The following NOTCH1 variants were observed in gnomAD, a reference collection of about 807,000 sequenced individuals.
NOTCH1 encodes the protein notch receptor 1.
NOTCH1 carries 37 observed loss-of-function variants against 254.8 expected under a neutral mutation model. The ratio of observed to expected loss-of-function variants is 0.15; its 90% confidence interval spans 0.11 to 0.19. The LOEUF (loss-of-function observed/expected upper bound fraction) is 0.19. NOTCH1 is among the 10% of genes least tolerant of loss of function. The pLI is 1.00. For missense variants in NOTCH1, 2,972 were observed against 3,708.6 expected (o/e 0.80, Z 5.16); for synonymous variants, 1,731 against 1,618.1 (o/e 1.07, Z -1.68).
chr9:136,525,412 C>T (rs1171470139), intron 2 of NOTCH1, among the ~76,000 whole-genome samples: 4 of 152,222 alleles, frequency 2.6e-5, no homozygotes, highest in Non-Finnish European at 4.4e-5. Flanking sequence ...GTCTGGGACC[C>T]GCCGGGCGCC....
intron 2 of NOTCH1, among the ~76,000 whole-genome samples, chr9:136,532,528 G>A (rs577866507): frequency 5.1e-4 from 77 of 152,324 alleles, no homozygotes; most frequent in African/African-American, 1.8e-3. Flanking sequence ...AGGGGCTCCA[G>A]GGTGGATGAC....
rs1422526615 is a variant in NOTCH1, at chr9:136,505,343, C to T, written c.4553G>A (p.Gly1518Asp). The T allele has an allele frequency of 6.3e-7, 1 of 1,598,318 alleles. No homozygotes were observed. Among genetic ancestry groups the T allele is most frequent in the Admixed American group, 1.7e-5 (1 of 57,168 alleles). Reference sequence around the variant, plus strand: ...GCCTTCCGCACGCTGGCAGTCAAAGCCGTCGAAGAGGCAGCCGGCTGAGTT... The same window carrying T: ...GCCTTCCGCACGCTGGCAGTCAAAGTCGTCGAAGAGGCAGCCGGCTGAGTT... ...QCNSAGCLFD[G>D]FDCQRAEGQC... Residue 1518 changes from glycine to aspartate, a missense_variant, in exon 25 of 34, where the codon GGC (glycine) becomes GAC (aspartate). By Grantham distance (94) the Gly-to-Asp change is moderately conservative. Transcript: ENST00000651671.
In NOTCH1 at chr9:136,502,700, C is replaced by T. The variant is rs1043624116; in HGVS notation, c.5168-212G>A. ...TCTCTCCTGCACCAGCCGACTCTATCTGGAGACGGCTTTTACTTTTTTCTC... is the reference window on the plus strand; with the variant it reads ...TCTCTCCTGCACCAGCCGACTCTATTTGGAGACGGCTTTTACTTTTTTCTC... On this transcript the variant is annotated intron_variant, in intron 27 of 33. Coordinates refer to ENST00000651671, the MANE Select transcript of NOTCH1 (RefSeq NM_017617.5). 4 of 577,688 alleles carry T rather than the reference C, an allele frequency of 6.9e-6. No homozygotes were observed. The African/African-American group carries it at 7.5e-5, about 11-fold the overall frequency. 35.8% of individuals were successfully genotyped at this position (577,688 alleles called of 1,614,324 possible).
chr9:136,500,433 G>A (rs997268112), intron 31 of NOTCH1, 119 bp downstream of exon 31: 6 of 1,273,630 alleles, frequency 4.7e-6, no homozygotes, highest in Non-Finnish European at 6.7e-6. Flanking sequence ...GGCACCAGTT[G>A]TCCCGGACTC....
chr9:136,520,915 G>A (rs906458205), intron 4 of NOTCH1, among the ~76,000 whole-genome samples: 2 of 152,146 alleles, frequency 1.3e-5, no homozygotes, highest in East Asian at 3.9e-4. Flanking sequence ...CGAGAGCCCC[G>A]TGGACCCCAG....
Position 136,495,821 on chromosome 9 carries a change from G to A in NOTCH1, c.*250C>T. 2 of 440,494 alleles carry A rather than the reference G, an allele frequency of 4.5e-6. No individual in the cohort carries two copies. The highest frequency in any genetic ancestry group is 8.0e-6 in the Non-Finnish European group (2 of 249,774). 27.3% of individuals were successfully genotyped at this position (440,494 alleles called of 1,614,324 possible). A position where few individuals can be genotyped will look rare whatever the true frequency, so the allele number is the denominator to read the frequency against. On this transcript the variant is annotated 3_prime_UTR_variant, in exon 34 of 34. Coordinates refer to ENST00000651671, the MANE Select transcript of NOTCH1 (RefSeq NM_017617.5). ...AAACCCTGGCTCTCAGAACTTGCTTGTTTTCTCAGAATAGATAAAAGTTTC... is the reference window on the plus strand; with the variant it reads ...AAACCCTGGCTCTCAGAACTTGCTTATTTTCTCAGAATAGATAAAAGTTTC...
rs2133360878 is a variant in NOTCH1 at position 136,514,608 on chromosome 9, G to A, written c.2109C>T (p.Arg703=). ...TGGGGTCGTGGTAGCCCTCGGGGCA[G>A]CGGCAGGTGAAGCCATTGATGCCGT... is the stretch of plus-strand genomic sequence containing the variant. ...CEDGINGFTC[R]CPEGYHDPTC... The change falls in exon 13 of 34, where the codon CGC becomes CGT. Residue 703 remains arginine (R), a synonymous_variant. Transcript: ENST00000651671. 8.7e-6 allele frequency: 14 copies of A among 1,609,474 alleles called. No individual in the cohort carries two copies. Among genetic ancestry groups the A allele is most frequent in the South Asian group, 1.1e-5 (1 of 90,470 alleles).
chr9:136,497,660 C>T (rs1015333475), intron 33 of NOTCH1, 102 bp from the exon 34 acceptor site: 11 of 993,002 alleles, frequency 1.1e-5, no homozygotes, highest in African/African-American at 3.2e-5. Context: ...ACCTCCTCCG[C>T]GGGGTGGGGG....
At chr9:136,529,657 C>A (rs1248825863) in intron 2 of NOTCH1, among the ~76,000 whole-genome samples, 1 of 152,248 alleles carries the variant, frequency 6.6e-6, no homozygotes, top group Admixed American at 6.5e-5. Flanking sequence ...CTGCCAGGAC[C>A]CTGTGTCCCA....
intron 25 of NOTCH1, 103 bp from the exon 26 acceptor site, chr9:136,505,207 C>T: frequency 6.6e-7 from 1 of 1,518,510 alleles, no homozygotes; most frequent in Non-Finnish European, 8.9e-7. Context: ...CGTCCCTGCA[C>T]CCCCTGAGCA....
intron 17 of NOTCH1, among the ~76,000 whole-genome samples, chr9:136,510,276 G>A (rs1162905104): frequency 6.6e-6 from 1 of 152,222 alleles, no homozygotes; most frequent in Non-Finnish European, 1.5e-5. Context: ...GGTGATGCCA[G>A]CAAGACCCCC....
Position 136,545,383 on chromosome 9 carries a change from G to C in NOTCH1, c.61+343C>G, listed in dbSNP as rs1843799657. ...CCGACTCTATTCAAATCGAAAAATA[G>C]TAGGCAGCCCGCCCGCCCGGCCGAC... On this transcript the variant is annotated intron_variant, in intron 1 of 33. Coordinates refer to ENST00000651671, the MANE Select transcript of NOTCH1 (RefSeq NM_017617.5). This position sits in a 1 kb window ranked among gnomAD's most constrained non-coding sequence, Gnocchi z 6.8. Among the ~76,000 whole-genome samples, 2 of 152,094 alleles carry C rather than the reference G, an allele frequency of 1.3e-5. No homozygotes were observed. The highest frequency in any genetic ancestry group is 6.5e-5 in the Admixed American group (1 of 15,280).
rs374946182 is a variant in NOTCH1, at chr9:136,510,753, G to C, written c.2640C>G (p.His880Gln). Residue 880 changes from histidine (H) to glutamine (Q), a missense_variant, in exon 17 of 34, where the codon CAC (histidine) becomes CAG (glutamine). His to Gln is a conservative substitution (Grantham distance 24). Around this residue, in one of 8 missense-constraint regions of NOTCH1, gnomAD observed 1,343 missense variants for 1,557.0 expected, o/e 0.86. Transcript: ENST00000651671. Reference sequence around the variant, plus strand: ...CGTGGGTGTTCTGGCAGGATGCGCCGTGCCGGCACGGGCTCAGAACGCACT... The same window carrying C: ...CGTGGGTGTTCTGGCAGGATGCGCCCTGCCGGCACGGGCTCAGAACGCACT... The part of the protein sequence containing the change: ...INECVLSPCR[H>Q]GASCQNTHGG... 4 of 1,610,550 alleles carry C rather than the reference G, an allele frequency of 2.5e-6. No homozygotes were observed. The highest frequency in any genetic ancestry group is 3.4e-6 in the Non-Finnish European group (4 of 1,179,876).
chr9:136,515,478 G>A lies in NOTCH1; in HGVS notation c.1903+5C>T, dbSNP rs2133363195. ...CCCCCGCCGGCCACCCGCCTGGCCG[G>A]CCACCTGTGGTCCCCTTCAGGCAGA... On this transcript the variant is annotated splice_donor_5th_base_variant and intron_variant, in intron 11 of 33. Transcript: ENST00000651671. The A allele has an allele frequency of 6.2e-7, 1 of 1,611,632 alleles. No individual in the cohort carries two copies. The highest frequency in any genetic ancestry group is 1.3e-5 in the African/African-American group (1 of 75,034).
At position 136,513,485 on chromosome 9, in the gene NOTCH1, T is replaced by A. The variant is rs1275066412; in HGVS notation, c.2260A>T (p.Asn754Tyr). The A allele has an allele frequency of 6.2e-7, 1 of 1,613,082 alleles. No homozygotes were observed. Among genetic ancestry groups the A allele is most frequent in the Non-Finnish European group, 8.5e-7 (1 of 1,179,974 alleles). ...CAAGGGTTGGATTCACACTCATTGT[T>A]GTTGATGTCACAGTTGGTCCCACTC... ...GWSGTNCDINNNECESNPCVN... is the reference protein window; with the variant it reads ...GWSGTNCDINYNECESNPCVN... Residue 754 changes from asparagine to tyrosine, a missense_variant, in exon 14 of 34, where the codon AAC becomes TAC. Asn to Tyr is a moderately radical substitution (Grantham distance 143). This residue lies in a region of NOTCH1 where 1,343 missense variants were observed against 1,557.0 expected (regional missense o/e 0.86). Transcript: ENST00000651671. This position sits in a 1 kb window ranked among gnomAD's most constrained non-coding sequence, Gnocchi z 4.7.
chr9:136,526,861 T>A (rs932632899), intron 2 of NOTCH1, among the ~76,000 whole-genome samples: 1 of 152,202 alleles, frequency 6.6e-6, no homozygotes, highest in East Asian at 1.9e-4. Flanking sequence ...TGGCGGCAGC[T>A]GCTCCCAGCG....
At chr9:136,518,048 G>T in intron 7 of NOTCH1, 89 bp downstream of exon 7, 2 of 1,553,040 alleles carry the variant, frequency 1.3e-6, no homozygotes. Flanking sequence ...ATCTAACTGG[G>T]CACCCCCTGA....
At chr9:136,528,415 TGCG>T (rs1843504911) in intron 2 of NOTCH1, among the ~76,000 whole-genome samples, 1 of 7,758 alleles carries the variant, frequency 1.3e-4, no homozygotes, top group Non-Finnish European at 2.5e-4. Context: ...GCAGGGACAG[TGCG>T]GGGGGGATGG....
rs572862196 is a variant in NOTCH1 at position 136,533,424 on chromosome 9, T to G, written c.141-9445A>C. Among the ~76,000 whole-genome samples the G allele has an allele frequency of 9.2e-4, 140 of 152,328 alleles. 1 individual carries two copies. Among genetic ancestry groups the G allele is most frequent in the African/African-American group, 3.3e-3 (136 of 41,582 alleles). ...CTGTGTGTTTCCGCTCGTCAACAGCTGAAACCGAGCGGAACTTGGGGGGCC... is the reference window on the plus strand; with the variant it reads ...CTGTGTGTTTCCGCTCGTCAACAGCGGAAACCGAGCGGAACTTGGGGGGCC... On this transcript the variant is annotated intron_variant, in intron 2 of 33. Transcript: ENST00000651671.
Sources: allele counts gnomAD v4.1 joint callset (sites outside exome capture counted in the v4.1 genomes callset), GRCh38; gene constraint gnomAD v4.1.1; regional missense constraint gnomAD v4.1.1; non-coding constraint Gnocchi (gnomAD v3.1); transcripts MANE v1.5; gene names NCBI Gene and HGNC (gene_info 2026-07-23, HGNC 2026-07-21).